The following PCDHA10 variants were observed in gnomAD, a reference collection of about 807,000 sequenced individuals.
PCDHA10 encodes the protein protocadherin alpha 10.
Under a neutral mutation model 61.2 loss-of-function variants are expected in PCDHA10, and 45 were observed. That is an observed-to-expected ratio of 0.74 (90% CI 0.58 to 0.94). The LOEUF is 0.94. Ranked by LOEUF, PCDHA10 falls within the 40% of genes least tolerant of loss-of-function variation. The probability of loss-of-function intolerance (pLI) is 0.00; values close to 1 mark genes in which losing one functional copy is unlikely to be tolerated. For synonymous variants in PCDHA10, 602 were observed against 548.8 expected, an observed-to-expected ratio of 1.10 and a Z score of -1.35; for missense variants, 1,278 against 1,236.2, an observed-to-expected ratio of 1.03 and a Z score of -0.51.
intron 1 of PCDHA10, chr5:140,883,677 C>T (rs112867183): frequency 1.2e-6 from 2 of 1,613,726 alleles, no homozygotes. Flanking sequence ...AACAATCCGC[C>T]GGGCTGCCAC....
Position 140,893,497 on chromosome 5 carries a change from GA to G in PCDHA10, c.2388+35070del, listed in dbSNP as rs1157700367. Among the ~76,000 whole-genome samples the G allele has an allele frequency of 3.1e-4, 47 of 150,168 alleles. No individual in the cohort carries two copies. The Middle Eastern group carries it at 0.01, about 33-fold the overall frequency. ...GCAAGACCCTGTTCTTCACAAAAAAGAAAAAAAAAGCAGTTGTAGAACTCCT... is the reference window on the plus strand; with the variant it reads ...GCAAGACCCTGTTCTTCACAAAAAAGAAAAAAAAGCAGTTGTAGAACTCCT... On this transcript the variant is annotated intron_variant, in intron 1 of 3. Transcript: ENST00000307360.
chr5:140,858,387 T>C lies in PCDHA10; in HGVS notation c.2339T>C (p.Val780Ala), dbSNP rs1260966424. 1.9e-6 allele frequency: 3 copies of C among 1,582,118 alleles called. No individual in the cohort carries two copies. Among genetic ancestry groups the C allele is most frequent in the Admixed American group, 1.8e-5 (1 of 56,748 alleles). The change falls in exon 1 of 4, where the codon GTA (valine) becomes GCA (alanine). Residue 780 changes from valine (V) to alanine (A), a missense_variant. Val to Ala is a moderately conservative substitution (Grantham distance 64). Coordinates refer to ENST00000307360, the MANE Select transcript of PCDHA10 (RefSeq NM_018901.4). The part of the protein sequence containing the change: ...FSPSLPPCPM[V>A]DVDGEDQSIG... Reference sequence around the variant, plus strand: ...CCCAGCCTTCCACCATGCCCAATGGTAGATGTGGACGGGGAAGATCAGTCT... The same window carrying C: ...CCCAGCCTTCCACCATGCCCAATGGCAGATGTGGACGGGGAAGATCAGTCT...
At chr5:140,981,332 G>A (rs1407839547) in intron 2 of PCDHA10, among the ~76,000 whole-genome samples, 1 of 152,182 alleles carries the variant, frequency 6.6e-6, no homozygotes, top group Non-Finnish European at 1.5e-5. Context: ...CCAGCACTTT[G>A]GGAGGGTGAG....
rs79831933 is a variant in PCDHA10, at chr5:140,933,507, A to G, written c.2389-45442A>G. ...TATTCTTTAGAATTGTTAAGCAAAG[A>G]CTACAGCTGTTTTGTTTAAACTCAA... On this transcript the variant is annotated intron_variant, in intron 1 of 3. Transcript: ENST00000307360. 5.9e-3 allele frequency among the ~76,000 whole-genome samples: 898 copies of G among 152,170 alleles called. 13 individuals carry two copies. Among genetic ancestry groups the G allele is most frequent in the African/African-American group, 0.02 (841 of 41,572 alleles).
At position 140,901,836 on chromosome 5, in the gene PCDHA10, G is replaced by A. The variant is rs183480993; in HGVS notation, c.2388+43400G>A. On this transcript the variant is annotated intron_variant, in intron 1 of 3. Coordinates refer to ENST00000307360, the MANE Select transcript of PCDHA10 (RefSeq NM_018901.4). The stretch of plus-strand genomic sequence containing the variant: ...ATTGATTCTTCCAGTCCATAAACAT[G>A]CAATATCTTTCCATTTTTTTGTGTC... 2.6e-3 allele frequency among the ~76,000 whole-genome samples: 395 copies of A among 152,228 alleles called. 2 individuals carry two copies. The highest frequency in any genetic ancestry group is 9.2e-3 in the African/African-American group (384 of 41,554).
At chr5:140,958,810 G>T (rs2095443726) in intron 1 of PCDHA10, among the ~76,000 whole-genome samples, 1 of 151,988 alleles carries the variant, frequency 6.6e-6, no homozygotes, top group Non-Finnish European at 1.5e-5. Context: ...ACACCATTCT[G>T]TTTTAATTTT....
At chr5:140,968,624 C>CT in intron 1 of PCDHA10, 3 of 1,614,176 alleles carry the variant, frequency 1.9e-6, no homozygotes, top group East Asian at 2.2e-5. Context: ...AAATGCTTGG[C>CT]TTTTTTACCA....
chr5:140,898,330 G>A (rs536378486), intron 1 of PCDHA10, among the ~76,000 whole-genome samples: 29 of 152,102 alleles, frequency 1.9e-4, no homozygotes, highest in African/African-American at 6.0e-4. Flanking sequence ...TGGGTCTAAC[G>A]TTTAAGTCTT....
intron 1 of PCDHA10, among the ~76,000 whole-genome samples, chr5:140,970,004 G>A (rs1322154107): frequency 6.6e-6 from 1 of 152,200 alleles, no homozygotes; most frequent in Non-Finnish European, 1.5e-5. Context: ...CAGAGGGAGT[G>A]GATGATGGTG....
rs180990865 is a variant in PCDHA10 at position 140,858,241 on chromosome 5, G to C, written c.2193G>C (p.Gly731=). 1.8e-3 allele frequency: 2,879 copies of C among 1,596,686 alleles called. 210 individuals carry two copies. In the African/African-American group the frequency reaches 0.035, roughly 19 times the overall value. Residue 731 remains glycine, a synonymous_variant, in exon 1 of 4, where the codon GGG becomes GGC. Coordinates refer to ENST00000307360, the MANE Select transcript of PCDHA10 (RefSeq NM_018901.4). ...CSAAPTEGAC[G]PVKPTLVCSS... ...CGGCGCCCACCGAGGGCGCATGTGGGCCGGTGAAGCCCACGCTGGTGTGCT... is the reference window on the plus strand; with the variant it reads ...CGGCGCCCACCGAGGGCGCATGTGGCCCGGTGAAGCCCACGCTGGTGTGCT...
intron 1 of PCDHA10, chr5:140,871,331 C>A (rs1414219251): frequency 6.2e-7 from 1 of 1,614,102 alleles, no homozygotes; most frequent in Non-Finnish European, 8.5e-7. Flanking sequence ...TGCTCCCGCG[C>A]GGTGGGGAGC....
chr5:140,893,853 G>C (rs1395145943), intron 1 of PCDHA10, among the ~76,000 whole-genome samples: 1 of 152,050 alleles, frequency 6.6e-6, no homozygotes. Context: ...CCTACCTCTT[G>C]TATAGAAACA....
chr5:140,870,221 T>C (rs1554163925), intron 1 of PCDHA10: 2 of 1,614,012 alleles, frequency 1.2e-6, no homozygotes, highest in Admixed American at 3.3e-5. Context: ...CTGATCAGCG[T>C]GTCTGACCGT....
chr5:140,869,517 A>AT, intron 1 of PCDHA10: 1 of 1,614,200 alleles, frequency 6.2e-7, no homozygotes, highest in East Asian at 2.2e-5. Flanking sequence ...TCAGAGAACA[A>AT]AAGCTGCTGA....
At chr5:140,937,039 CTT>C (rs34994034) in intron 1 of PCDHA10, among the ~76,000 whole-genome samples, 9 of 140,130 alleles carry the variant, frequency 6.4e-5, no homozygotes, top group Admixed American at 7.1e-5. Context: ...TTCCATTTAT[CTT>C]TTTTTTTTTT....
chr5:140,967,324 G>A, intron 1 of PCDHA10: 4 of 1,609,186 alleles, frequency 2.5e-6, no homozygotes, highest in Non-Finnish European at 3.4e-6. Context: ...AGACCTACGA[G>A]CTCAGCCCCA....
At chr5:140,949,626 G>A (rs2094403314) in intron 1 of PCDHA10, among the ~76,000 whole-genome samples, 1 of 151,546 alleles carries the variant, frequency 6.6e-6, no homozygotes, top group Non-Finnish European at 1.5e-5. Context: ...CTGTTTTCAT[G>A]GCATATTGCT....
At position 140,858,217 on chromosome 5, in the gene PCDHA10, G is replaced by A; in HGVS notation, c.2169G>A (p.Ala723=). 1.3e-6 allele frequency: 2 copies of A among 1,595,954 alleles called. No individual in the cohort carries two copies. Among genetic ancestry groups the A allele is most frequent in the Non-Finnish European group, 1.7e-6 (2 of 1,166,014 alleles). The change falls in exon 1 of 4, where the codon GCG becomes GCA. Residue 723 remains alanine, a synonymous_variant. Coordinates refer to ENST00000307360, the MANE Select transcript of PCDHA10 (RefSeq NM_018901.4). The part of the protein sequence containing the change: ...LLLYTALRCS[A]APTEGACGPV... ...TGTACACTGCACTGAGGTGCTCGGC[G>A]GCGCCCACCGAGGGCGCATGTGGGC...
chr5:140,950,515 C>T lies in PCDHA10; in HGVS notation c.2389-28434C>T, dbSNP rs144121614. 1.4e-3 allele frequency among the ~76,000 whole-genome samples: 220 copies of T among 151,996 alleles called. 1 individual carries two copies. The highest frequency in any genetic ancestry group is 4.9e-3 in the African/African-American group (204 of 41,490). On this transcript the variant is annotated intron_variant, in intron 1 of 3. Transcript: ENST00000307360. The stretch of plus-strand genomic sequence containing the variant: ...CATTTAAGTCATTATTCCCTGTGTG[C>T]GATATGATTGTTTTTGTTGCTCTTG...
Sources: gnomAD v4.1 joint callset for allele counts (sites outside exome capture counted in the v4.1 genomes callset) on GRCh38, gnomAD v4.1.1 for gene constraint, MANE v1.5 for transcripts, NCBI Gene and HGNC (gene_info 2026-07-23, HGNC 2026-07-21) for gene names.